TPD52L2: variants seen among roughly 807,000 people sequenced by gnomAD.
TPD52L2 encodes TPD52 like 2, also known as tumor protein D54.
Under a neutral mutation model 24.7 loss-of-function variants are expected in TPD52L2, and 19 were observed. That is an observed-to-expected ratio of 0.77 (90% confidence interval 0.54 to 1.13). TPD52L2 has a LOEUF of 1.13. TPD52L2 is among the 50% of genes most tolerant of loss of function. The pLI, the probability that TPD52L2 is intolerant of heterozygous loss-of-function variation, is 0.00. For missense variants in TPD52L2, 236 were observed against 250.4 expected (o/e 0.94, Z 0.39); for synonymous variants, 104 against 100.2 (o/e 1.04, Z -0.23).
chr20:63,886,453 C>CG (rs1555875298), intron 5 of TPD52L2, among the ~76,000 whole-genome samples: 19 of 149,346 alleles, frequency 1.3e-4, no homozygotes, highest in African/African-American at 4.9e-4. Flanking sequence ...CTCCGCCTCC[C>CG]GGGTTCACGC....
chr20:63,885,923 C>G, intron 5 of TPD52L2: 1 of 1,398,824 alleles, frequency 7.1e-7, no homozygotes, highest in Admixed American at 1.7e-5. Context: ...AGCAGGGGGC[C>G]TCCCCTGGGG....
chr20:63,891,076 T>C lies in TPD52L2; in HGVS notation c.*1131T>C, dbSNP rs115798988. 140 of 152,810 alleles carry C rather than the reference T, an allele frequency of 9.2e-4. No homozygotes were observed. Among genetic ancestry groups the C allele is most frequent in the Middle Eastern group, 3.4e-3 (1 of 294 alleles). 9.5% of individuals were successfully genotyped at this position (152,810 alleles called of 1,614,324 possible). A position where few individuals can be genotyped will look rare whatever the true frequency, so the allele number is the denominator to read the frequency against. ...GCCAGGATTGCCGTTACAGTCTTTT[T>C]CTCAGGAGCTACAAAGATCTCTTCC... On this transcript the variant is annotated 3_prime_UTR_variant, in exon 7 of 7. Coordinates refer to ENST00000346249, the MANE Select transcript of TPD52L2 (RefSeq NM_003288.4). The surrounding 1 kb of genome is among the most constrained non-coding windows in gnomAD (Gnocchi z 4.7).
In TPD52L2 at chr20:63,891,033, G is replaced by GGTGGGGC. The variant is rs2053302738; in HGVS notation, c.*1094_*1100dup. 2 of 152,636 alleles carry GGTGGGGC rather than the reference G, an allele frequency of 1.3e-5. No individual in the cohort carries two copies. The highest frequency in any genetic ancestry group is 4.8e-5 in the African/African-American group (2 of 41,452). The allele number at this position is 152,636 out of a possible 1,614,324, so 9.5% of individuals were successfully genotyped here. ...AAACGACCCCACAGGTCAGGTGGAG[G>GGTGGGGC]GTGGGGCGTGGGCATCAGCCAGGAT... On this transcript the variant is annotated 3_prime_UTR_variant, in exon 7 of 7. Transcript: ENST00000346249. This position sits in a 1 kb window ranked among gnomAD's most constrained non-coding sequence, Gnocchi z 4.7.
At chr20:63,879,391 T>C (rs2052810954) in intron 4 of TPD52L2, among the ~76,000 whole-genome samples, 1 of 151,776 alleles carries the variant, frequency 6.6e-6, no homozygotes, top group Non-Finnish European at 1.5e-5. Flanking sequence ...CTCAGGACCC[T>C]CCTCCTTGTG....
chr20:63,882,143 C>T (rs1191224738), intron 4 of TPD52L2, among the ~76,000 whole-genome samples: 3 of 152,226 alleles, frequency 2.0e-5, no homozygotes, highest in African/African-American at 4.8e-5. Context: ...GGGCACCTTG[C>T]GGGCTGCATG....
intron 1 of TPD52L2, 102 bp downstream of exon 1, chr20:63,865,486 G>T (rs1298347525): frequency 2.8e-6 from 4 of 1,425,728 alleles, no homozygotes; most frequent in Non-Finnish European, 3.7e-6. Flanking sequence ...TCTCGGTCTC[G>T]GTTCACCCAC....
chr20:63,879,641 T>C (rs936331923), intron 4 of TPD52L2, among the ~76,000 whole-genome samples: 3 of 148,634 alleles, frequency 2.0e-5, no homozygotes, highest in Non-Finnish European at 4.5e-5. Flanking sequence ...CAGGTGTAGC[T>C]TCCCCATCCC....
intron 2 of TPD52L2, among the ~76,000 whole-genome samples, chr20:63,871,893 CA>C (rs771252970): frequency 6.6e-6 from 1 of 152,106 alleles, no homozygotes; most frequent in Non-Finnish European, 1.5e-5. Flanking sequence ...CTCGGCCTCC[CA>C]AAGTGCTGGG....
Position 63,886,008 on chromosome 20 carries a change from C to T in TPD52L2, c.477-3182C>T, listed in dbSNP as rs368223826. 32 of 1,614,042 alleles carry T rather than the reference C, an allele frequency of 2.0e-5. No individual in the cohort carries two copies. The East Asian group carries it at 2.7e-4, about 13-fold the overall frequency. On this transcript the variant is annotated intron_variant, in intron 5 of 6. Transcript: ENST00000346249. ...CGTTTCCTCTTCTCTCCTGCTGCCA[C>T]CTTCCAGGGCTCATCCATTTTCACA...
At chr20:63,882,207 C>G (rs573344690) in intron 4 of TPD52L2, among the ~76,000 whole-genome samples, 1 of 152,262 alleles carries the variant, frequency 6.6e-6, no homozygotes, top group African/African-American at 2.4e-5. Context: ...CATTTTCTCC[C>G]CTCAGCACAG....
chr20:63,865,304 T>C lies in TPD52L2; in HGVS notation c.-62T>C. ...GGCTAGTGTGTACGCGGCGAGCTTCTCCCGGCGCCGCCCGCTCGGCTCCCA... is the reference window on the plus strand; with the variant it reads ...GGCTAGTGTGTACGCGGCGAGCTTCCCCCGGCGCCGCCCGCTCGGCTCCCA... On this transcript the variant is annotated 5_prime_UTR_variant, in exon 1 of 7. Transcript: ENST00000346249. The C allele has an allele frequency of 1.3e-6, 2 of 1,493,412 alleles. No individual in the cohort carries two copies. Among genetic ancestry groups the C allele is most frequent in the Non-Finnish European group, 1.8e-6 (2 of 1,127,682 alleles). The allele number at this position is 1,493,412 out of a possible 1,614,324, so 92.5% of individuals were successfully genotyped here. A position where few individuals can be genotyped will look rare whatever the true frequency, so the allele number is the denominator to read the frequency against.
rs1451343341 is a variant in TPD52L2, at chr20:63,865,328, C to A, written c.-38C>A. 1 of 1,519,328 alleles carries A rather than the reference C, an allele frequency of 6.6e-7. No individual in the cohort carries two copies. Among genetic ancestry groups the A allele is most frequent in the South Asian group, 1.2e-5 (1 of 81,870 alleles). The allele number at this position is 1,519,328 out of a possible 1,614,324, so 94.1% of individuals were successfully genotyped here. ...CTCCCGGCGCCGCCCGCTCGGCTCC[C>A]ATAGCGCCCGCGACAGCGGTCCGGA... On this transcript the variant is annotated 5_prime_UTR_variant, in exon 1 of 7. Transcript: ENST00000346249.
At chr20:63,878,781 C>T (rs994161282) in intron 4 of TPD52L2, among the ~76,000 whole-genome samples, 11 of 152,212 alleles carry the variant, frequency 7.2e-5, no homozygotes, top group Non-Finnish European at 1.2e-4. Flanking sequence ...CCAGGGCTCT[C>T]TTCCTAGAAG....
intron 4 of TPD52L2, among the ~76,000 whole-genome samples, chr20:63,882,244 C>T (rs1356116138): frequency 6.6e-6 from 1 of 152,262 alleles, no homozygotes; most frequent in Non-Finnish European, 1.5e-5. Flanking sequence ...GAAAGGGAAA[C>T]TTGCACGCAT....
intron 1 of TPD52L2, among the ~76,000 whole-genome samples, 157 bp from the exon 2 acceptor site, chr20:63,869,139 C>T (rs982500964): frequency 2.0e-5 from 3 of 152,172 alleles, no homozygotes; most frequent in Non-Finnish European, 4.4e-5. Flanking sequence ...CCCTCGTCTA[C>T]TGCCCATGCT....
chr20:63,878,314 G>A (rs951850499), intron 4 of TPD52L2, among the ~76,000 whole-genome samples: 3 of 152,250 alleles, frequency 2.0e-5, no homozygotes, highest in Non-Finnish European at 2.9e-5. Context: ...GTCTGAATGC[G>A]AGAGCAGCTG....
intron 4 of TPD52L2, among the ~76,000 whole-genome samples, chr20:63,881,585 C>T (rs2052901100): frequency 1.3e-5 from 2 of 152,106 alleles, no homozygotes; most frequent in Non-Finnish European, 2.9e-5. Flanking sequence ...ATCATTGGGA[C>T]CTGGTGCCGC....
rs940083259 is a variant in TPD52L2 at position 63,873,818 on chromosome 20, T to A, written c.314+2T>A. 2.9e-5 allele frequency: 45 copies of A among 1,532,452 alleles called. No homozygotes were observed. Among genetic ancestry groups the A allele is most frequent in the Non-Finnish European group, 3.8e-5 (44 of 1,144,146 alleles). 94.9% of individuals were successfully genotyped at this position (1,532,452 alleles called of 1,614,324 possible). A position where few individuals can be genotyped will look rare whatever the true frequency, so the allele number is the denominator to read the frequency against. ...GCATGACGTGCAGGTCTCTAGCGCGTAGGTACCTGCCCCAGGCGCACCCCT... is the reference window on the plus strand; with the variant it reads ...GCATGACGTGCAGGTCTCTAGCGCGAAGGTACCTGCCCCAGGCGCACCCCT... On this transcript the variant is annotated splice_donor_variant, in intron 3 of 6. Transcript: ENST00000346249. LOFTEE classifies it high-confidence loss of function.
intron 4 of TPD52L2, 86 bp from the exon 5 acceptor site, chr20:63,882,633 G>T: frequency 1.9e-6 from 2 of 1,080,094 alleles, no homozygotes; most frequent in Non-Finnish European, 1.4e-6. Flanking sequence ...AGTTTTCCTC[G>T]GGCGTGCTCC....
Sources: allele counts gnomAD v4.1 joint callset (sites outside exome capture counted in the v4.1 genomes callset), GRCh38; gene constraint gnomAD v4.1.1; non-coding constraint Gnocchi (gnomAD v3.1); transcripts MANE v1.5; gene names NCBI Gene and HGNC (gene_info 2026-07-23, HGNC 2026-07-21).